SYMPK: variants seen among roughly 807,000 people sequenced by gnomAD.
The protein encoded by SYMPK is symplekin.
Under a neutral mutation model 136.4 loss-of-function variants are expected in SYMPK, and 49 were observed. The ratio of observed to expected loss-of-function variants is 0.36; its 90% confidence interval spans 0.29 to 0.46. SYMPK has a LOEUF of 0.46. SYMPK is among the 20% of genes least tolerant of loss of function. The pLI is 1.00. For synonymous variants in SYMPK, 766 were observed against 713.0 expected, an observed-to-expected ratio of 1.07 and a Z score of -1.19; for missense variants, 1,365 against 1,690.0, an observed-to-expected ratio of 0.81 and a Z score of 3.37.
In SYMPK at chr19:45,815,432, T is replaced by C; in HGVS notation, c.*128A>G. On this transcript the variant is annotated 3_prime_UTR_variant, in exon 27 of 27. Coordinates refer to ENST00000245934, the MANE Select transcript of SYMPK (RefSeq NM_004819.3). ...CCAGGCCCGCCATCCCTTTTTTTTT[T>C]TCTTTTCAGTAACTTGCCCAAGTTC... 2 of 1,074,152 alleles carry C rather than the reference T, an allele frequency of 1.9e-6. No individual in the cohort carries two copies. The highest frequency in any genetic ancestry group is 2.6e-6 in the Non-Finnish European group (2 of 780,668). The allele number at this position is 1,074,152 out of a possible 1,614,324, so 66.5% of individuals were successfully genotyped here. A position where few individuals can be genotyped will look rare whatever the true frequency, so the allele number is the denominator to read the frequency against.
chr19:45,833,017 TCA>T (rs1491392275), intron 11 of SYMPK, among the ~76,000 whole-genome samples: 3 of 89,098 alleles, frequency 3.4e-5, no homozygotes, highest in Admixed American at 1.1e-4. Flanking sequence ...GGACTCCATC[TCA>T]AAAAAAAAAA....
chr19:45,840,428 C>T (rs1034410164), intron 9 of SYMPK, among the ~76,000 whole-genome samples: 1 of 151,118 alleles, frequency 6.6e-6, no homozygotes, highest in Admixed American at 6.6e-5. Context: ...CTTTAGGAGG[C>T]GAAGGCAGGC....
chr19:45,833,654 G>A (rs1971237734), intron 11 of SYMPK, among the ~76,000 whole-genome samples: 1 of 152,186 alleles, frequency 6.6e-6, no homozygotes, highest in Non-Finnish European at 1.5e-5. Flanking sequence ...CTAGTCTATG[G>A]AGGCAGAAAT....
In SYMPK at chr19:45,830,065, C is replaced by G; in HGVS notation, c.1738G>C (p.Gly580Arg). ...LRAEKAVACS[G>R]AAQVRIKILA... is the part of the protein sequence containing the mutation. ...TGGCAGGCGCACACCTGGGCTGCCC[C>G]GCTGCAGGCCACAGCCTTCTCAGCC... The change falls in exon 13 of 27, where the codon GGG becomes CGG. Residue 580 changes from glycine (G) to arginine (R), a missense_variant. This residue lies in a region of SYMPK where 303 missense variants were observed against 326.6 expected (regional missense o/e 0.93). Transcript: ENST00000245934. 6.4e-7 allele frequency: 1 copy of G among 1,552,748 alleles called. No homozygotes were observed. Among genetic ancestry groups the G allele is most frequent in the Non-Finnish European group, 8.7e-7 (1 of 1,147,028 alleles).
intron 7 of SYMPK, among the ~76,000 whole-genome samples, chr19:45,844,630 G>A (rs1018533756): frequency 5.3e-5 from 8 of 151,792 alleles, no homozygotes; most frequent in African/African-American, 1.7e-4. Flanking sequence ...AGCCGAGATC[G>A]CGCCACTGCA....
Position 45,831,587 on chromosome 19 carries a change from A to T in SYMPK, c.1395T>A (p.Gly465=). ...CCTTGCACTGTTTGGTCTGCTCTAC[A>T]CCTGAGGGGGAGGCAGCAAACAGAC... ...TQMTAAGLGP[G]VEQTKQCKEE... is the part of the protein sequence containing the mutation. Residue 465 remains glycine (G), a splice_region_variant and synonymous_variant, in exon 12 of 27, where the codon GGT becomes GGA. Coordinates refer to ENST00000245934, the MANE Select transcript of SYMPK (RefSeq NM_004819.3). 1 of 1,591,376 alleles carries T rather than the reference A, an allele frequency of 6.3e-7. No individual in the cohort carries two copies. Among genetic ancestry groups the T allele is most frequent in the Non-Finnish European group, 8.6e-7 (1 of 1,168,580 alleles).
chr19:45,817,916 T>C, intron 23 of SYMPK, 43 bp downstream of exon 23: 4 of 1,514,042 alleles, frequency 2.6e-6, no homozygotes, highest in East Asian at 2.4e-5. Context: ...GGCTAGAAGC[T>C]GCTGTCTGCA....
In SYMPK at chr19:45,825,425, G is replaced by C. The variant is rs1242996394; in HGVS notation, c.2330-94C>G. The C allele has an allele frequency of 2.7e-6, 4 of 1,463,070 alleles. No individual in the cohort carries two copies. In the African/African-American group the frequency reaches 4.2e-5, roughly 15 times the overall value. The allele number at this position is 1,463,070 out of a possible 1,614,324, so 90.6% of individuals were successfully genotyped here. On this transcript the variant is annotated intron_variant, in intron 17 of 26. Coordinates refer to ENST00000245934, the MANE Select transcript of SYMPK (RefSeq NM_004819.3). ...GTCCCTTCTTGGGCAGTGGAGCCGG[G>C]GAGGGCAGAGAAGGGAGCCGGGGCT...
intron 2 of SYMPK, 41 bp downstream of exon 2, chr19:45,854,337 TGCCAAAGCCAGGG>T: frequency 6.2e-7 from 1 of 1,608,918 alleles, no homozygotes; most frequent in Non-Finnish European, 8.5e-7. Context: ...AAACAGGGAT[TGCCAAAGCCAGGG>T]GCTATGCTTC....
intron 9 of SYMPK, among the ~76,000 whole-genome samples, chr19:45,841,096 G>A (rs1971424087): frequency 6.6e-6 from 1 of 150,746 alleles, no homozygotes; most frequent in African/African-American, 2.4e-5. Flanking sequence ...CAATTCTTCT[G>A]CCTCAGCCTC....
At chr19:45,836,735 C>T (rs1971310400) in intron 10 of SYMPK, among the ~76,000 whole-genome samples, 1 of 152,090 alleles carries the variant, frequency 6.6e-6, no homozygotes, top group Admixed American at 6.6e-5. Context: ...AATTCCTGGG[C>T]TTAAGCAATC....
rs748138617 is a variant in SYMPK at position 45,831,593 on chromosome 19, G to C, written c.1394-5C>G. The C allele has an allele frequency of 6.3e-7, 1 of 1,578,998 alleles. No homozygotes were observed. Among genetic ancestry groups the C allele is most frequent in the African/African-American group, 1.4e-5 (1 of 73,826 alleles). ...ACTGTTTGGTCTGCTCTACACCTGA[G>C]GGGGAGGCAGCAAACAGACACCCAG... On this transcript the variant is annotated splice_polypyrimidine_tract_variant and splice_region_variant and intron_variant, in intron 11 of 26. Coordinates refer to ENST00000245934, the MANE Select transcript of SYMPK (RefSeq NM_004819.3).
At chr19:45,827,397 G>C in intron 16 of SYMPK, 113 bp downstream of exon 16, 1 of 716,624 alleles carries the variant, frequency 1.4e-6, no homozygotes, top group South Asian at 1.6e-5. Flanking sequence ...GAAGGGAATG[G>C]GCCCAGAGAA....
chr19:45,843,532 C>T (rs1310694932), intron 8 of SYMPK, among the ~76,000 whole-genome samples: 1 of 152,130 alleles, frequency 6.6e-6, no homozygotes, highest in Non-Finnish European at 1.5e-5. Flanking sequence ...ATATTAAAGC[C>T]AGTCCTGAAT....
chr19:45,835,294 C>T, intron 10 of SYMPK, 66 bp from the exon 11 acceptor site: 1 of 1,468,692 alleles, frequency 6.8e-7, no homozygotes, highest in African/African-American at 1.4e-5. Flanking sequence ...TTTCCATGCC[C>T]ATGCCAATAC....
chr19:45,854,485 C>T lies in SYMPK; in HGVS notation c.11G>A (p.Gly4Asp). ...CCGACGGGTGACGCTGTCTCCACTGCCGCTCGCCATGGCTGCTGTCAGCTT... is the reference window on the plus strand; with the variant it reads ...CCGACGGGTGACGCTGTCTCCACTGTCGCTCGCCATGGCTGCTGTCAGCTT... Reference protein sequence around the residue: MASGSGDSVTRRSV... With the variant: MASDSGDSVTRRSV... The change falls in exon 2 of 27, where the codon GGC becomes GAC. Residue 4 changes from glycine (G) to aspartate (D), a missense_variant. Around this residue, in one of 11 missense-constraint regions of SYMPK, gnomAD observed 61 missense variants for 80.7 expected, o/e 0.76. Coordinates refer to ENST00000245934, the MANE Select transcript of SYMPK (RefSeq NM_004819.3). 1 of 1,613,820 alleles carries T rather than the reference C, an allele frequency of 6.2e-7. No individual in the cohort carries two copies. Among genetic ancestry groups the T allele is most frequent in the Non-Finnish European group, 8.5e-7 (1 of 1,180,006 alleles).
chr19:45,859,117 G>A (rs112954568), intron 1 of SYMPK, among the ~76,000 whole-genome samples: 1 of 152,012 alleles, frequency 6.6e-6, no homozygotes, highest in African/African-American at 2.4e-5. Flanking sequence ...TTCCCAGCAC[G>A]GAAGAGTGCT....
chr19:45,828,231 T>A, intron 14 of SYMPK: 1 of 325,396 alleles, frequency 3.1e-6, no homozygotes, highest in African/African-American at 2.2e-5. Context: ...ATTTTAGATA[T>A]GGTGGCCTCA....
intron 20 of SYMPK, 81 bp from the exon 21 acceptor site, chr19:45,822,927 C>T (rs780191424): frequency 1.9e-5 from 23 of 1,220,392 alleles, no homozygotes; most frequent in African/African-American, 7.4e-5. Context: ...CCCTTCTGCT[C>T]GCCCTGGGGA....
Sources: gnomAD v4.1 joint callset for allele counts (sites outside exome capture counted in the v4.1 genomes callset) on GRCh38, gnomAD v4.1.1 for gene constraint, gnomAD v4.1.1 regional missense constraint, MANE v1.5 for transcripts, NCBI Gene and HGNC (gene_info 2026-07-23, HGNC 2026-07-21) for gene names.